Variants in SMYD3 observed in about 807,000 individuals in gnomAD.
SMYD3 encodes SET and MYND domain containing 3, also known as histone-lysine N-methyltransferase SMYD3.
SMYD3 carries 36 observed loss-of-function variants against 57.7 expected under a neutral mutation model. That is an observed-to-expected ratio of 0.62 (90% CI 0.48 to 0.82). The LOEUF is 0.82. Ranked by LOEUF, SMYD3 falls within the 40% of genes least tolerant of loss-of-function variation. SMYD3 has a pLI of 0.00. For synonymous variants in SMYD3, 211 were observed against 195.0 expected (o/e 1.08, Z -0.68); for missense variants, 515 against 538.8 (o/e 0.96, Z 0.44).
intron 5 of SMYD3, among the ~76,000 whole-genome samples, chr1:246,199,843 G>A (rs1048583480): frequency 6.6e-6 from 1 of 152,262 alleles, no homozygotes; most frequent in African/African-American, 2.4e-5. Flanking sequence ...GGAGAACAGC[G>A]TAGATGCTGA....
chr1:246,142,842 G>C (rs1421134034), intron 5 of SMYD3, among the ~76,000 whole-genome samples: 1 of 152,180 alleles, frequency 6.6e-6, no homozygotes, highest in Non-Finnish European at 1.5e-5. Context: ...AAATTGGCCA[G>C]AACATCATGA....
intron 5 of SMYD3, among the ~76,000 whole-genome samples, chr1:246,307,304 CCTT>C (rs2064995424): frequency 6.6e-6 from 1 of 152,038 alleles, no homozygotes; most frequent in African/African-American, 2.4e-5. Context: ...TTCTAAAAAT[CCTT>C]CTCAGTTTAT....
intron 2 of SMYD3, among the ~76,000 whole-genome samples, chr1:246,336,924 C>G (rs538154265): frequency 1.3e-5 from 2 of 152,318 alleles, no homozygotes; most frequent in Non-Finnish European, 2.9e-5. Flanking sequence ...TAATCCTCAA[C>G]TGACAGAAAG....
chr1:246,411,768 T>C (rs576731845), intron 1 of SMYD3, among the ~76,000 whole-genome samples: 1 of 136,922 alleles, frequency 7.3e-6, no homozygotes, highest in African/African-American at 2.8e-5. Flanking sequence ...AGGTGGGAAT[T>C]GAACAATGAG....
rs2067110194 is a variant in SMYD3 at position 246,419,478 on chromosome 1, G to A, written c.165-64384C>T. On this transcript the variant is annotated intron_variant, in intron 1 of 11. Transcript: ENST00000490107. ...CTTGGGTTTTTATAGGCCCAGGATGGGGGCGTGGTAGACCAGGGTAGTCTT... is the reference window on the plus strand; with the variant it reads ...CTTGGGTTTTTATAGGCCCAGGATGAGGGCGTGGTAGACCAGGGTAGTCTT... Among the ~76,000 whole-genome samples, 4 of 152,184 alleles carry A rather than the reference G, an allele frequency of 2.6e-5. No homozygotes were observed. The South Asian group carries it at 8.3e-4, about 32-fold the overall frequency.
At chr1:245,941,681 A>C (rs6673541) in intron 5 of SMYD3, among the ~76,000 whole-genome samples, 81,831 of 151,556 alleles carry the variant, frequency 0.54, 27,220 homozygotes, top group Non-Finnish European at 0.76. Context: ...CCACCATGCC[A>C]AGCTAATTTT....
chr1:246,000,964 G>A (rs544349217), intron 5 of SMYD3, among the ~76,000 whole-genome samples: 1 of 152,256 alleles, frequency 6.6e-6, no homozygotes, highest in South Asian at 2.1e-4. Flanking sequence ...TATTTTGTCC[G>A]AGTAAGGTTT....
chr1:245,979,090 G>A (rs2058528905), intron 5 of SMYD3, among the ~76,000 whole-genome samples: 2 of 152,092 alleles, frequency 1.3e-5, no homozygotes, highest in Non-Finnish European at 2.9e-5. Flanking sequence ...AAGAGTCTCG[G>A]CATCTTAATG....
At chr1:246,138,386 A>G (rs2061695453) in intron 5 of SMYD3, among the ~76,000 whole-genome samples, 1 of 152,092 alleles carries the variant, frequency 6.6e-6, no homozygotes, top group African/African-American at 2.4e-5. Context: ...CATTTTGGTC[A>G]GTTCATCTCT....
At chr1:246,173,877 G>C (rs2148257009) in intron 5 of SMYD3, among the ~76,000 whole-genome samples, 1 of 152,200 alleles carries the variant, frequency 6.6e-6, no homozygotes, top group Non-Finnish European at 1.5e-5. Context: ...CGGGATCATA[G>C]CTCACATAAA....
At chr1:246,043,913 G>A (rs7520201) in intron 5 of SMYD3, among the ~76,000 whole-genome samples, 3 of 151,778 alleles carry the variant, frequency 2.0e-5, no homozygotes, top group Non-Finnish European at 4.4e-5. Context: ...CAACAGTTTC[G>A]GGGATCTCCA....
At chr1:245,993,767 T>C (rs1325776663) in intron 5 of SMYD3, among the ~76,000 whole-genome samples, 1 of 152,130 alleles carries the variant, frequency 6.6e-6, no homozygotes, top group Admixed American at 6.5e-5. Context: ...AGTTAAAATT[T>C]AATGGGCATT....
At chr1:246,165,763 G>GAT (rs901942317) in intron 5 of SMYD3, among the ~76,000 whole-genome samples, 8 of 152,014 alleles carry the variant, frequency 5.3e-5, no homozygotes, top group African/African-American at 1.7e-4. Flanking sequence ...GTTACTTACA[G>GAT]ATATATATAT....
intron 10 of SMYD3, among the ~76,000 whole-genome samples, chr1:245,837,845 G>C (rs1026972102): frequency 2.6e-5 from 4 of 152,166 alleles, no homozygotes; most frequent in African/African-American, 9.7e-5. Context: ...CTGGGGAAAG[G>C]CAAGGCATGA....
intron 5 of SMYD3, among the ~76,000 whole-genome samples, chr1:246,239,451 T>C (rs955445470): frequency 6.6e-5 from 10 of 152,224 alleles, no homozygotes; most frequent in African/African-American, 1.7e-4. Flanking sequence ...GGCTGCATAG[T>C]ATTCCATGGC....
At chr1:246,075,452 T>C (rs2060530186) in intron 5 of SMYD3, among the ~76,000 whole-genome samples, 1 of 152,142 alleles carries the variant, frequency 6.6e-6, no homozygotes, top group Non-Finnish European at 1.5e-5. Context: ...GAAACAGAAA[T>C]GTGCTGAAAG....
intron 1 of SMYD3, among the ~76,000 whole-genome samples, chr1:246,455,396 G>A (rs1052290890): frequency 6.6e-6 from 1 of 152,162 alleles, no homozygotes; most frequent in Non-Finnish European, 1.5e-5. Context: ...TCAAGAAATT[G>A]TATTTCCAGT....
rs1307881494 is a variant in SMYD3, at chr1:246,481,621, T to TATAC, written c.164+25432_164+25433insGTAT. 9.0e-4 allele frequency among the ~76,000 whole-genome samples: 89 copies of TATAC among 98,482 alleles called. 3 individuals are homozygous for TATAC. Among genetic ancestry groups the TATAC allele is most frequent in the Non-Finnish European group, 1.5e-3 (74 of 47,932 alleles). The allele number at this position is 98,482 out of a possible 152,430, so 64.6% of individuals were successfully genotyped here. On this transcript the variant is annotated intron_variant, in intron 1 of 11. Transcript: ENST00000490107. ...ATATATATATATACACATACATATATACATACATACATACACATATTCATA... is the reference window on the plus strand; with the variant it reads ...ATATATATATATACACATACATATATATACACATACATACATACACATATTCATA...
intron 5 of SMYD3, among the ~76,000 whole-genome samples, chr1:246,145,688 C>A (rs113402379): frequency 6.6e-6 from 1 of 152,102 alleles, no homozygotes; most frequent in Non-Finnish European, 1.5e-5. Context: ...ATTGACTTTC[C>A]GACCTGAGAA....
Sources: gnomAD v4.1 joint callset for allele counts (sites outside exome capture counted in the v4.1 genomes callset) on GRCh38, gnomAD v4.1.1 for gene constraint, MANE v1.5 for transcripts, NCBI Gene and HGNC (gene_info 2026-07-23, HGNC 2026-07-21) for gene names.